RFC3: variants seen among roughly 807,000 people sequenced by gnomAD.
RFC3 encodes the protein A1 38 kDa subunit.
RFC3 carries 41 observed loss-of-function variants against 45.1 expected under a neutral mutation model. The ratio of observed to expected loss-of-function variants is 0.91; its 90% CI spans 0.71 to 1.18. The LOEUF (loss-of-function observed/expected upper bound fraction) is 1.18. Ranked by LOEUF, RFC3 falls within the 50% of genes most tolerant of loss-of-function variation. The pLI is 0.00. For missense variants in RFC3, 423 were observed against 428.1 expected (o/e 0.99, Z 0.10); for synonymous variants, 149 against 144.0 (o/e 1.03, Z -0.25).
intron 8 of RFC3, among the ~76,000 whole-genome samples, chr13:33,861,256 C>T (rs892693887): frequency 1.1e-4 from 16 of 152,154 alleles, no homozygotes; most frequent in South Asian, 2.1e-4. Context: ...TATTTTAATG[C>T]GGTGTTGATT....
intron 8 of RFC3, among the ~76,000 whole-genome samples, chr13:33,905,761 C>A (rs1233626828): frequency 6.6e-6 from 1 of 152,004 alleles, no homozygotes; most frequent in African/African-American, 2.4e-5. Flanking sequence ...CACTAACATT[C>A]TTCACCAAAT....
chr13:33,975,029 C>T, the RFC3 span, among the ~76,000 whole-genome samples: 1 of 152,100 alleles, frequency 6.6e-6, no homozygotes, highest in Non-Finnish European at 1.5e-5. Context: ...CCATATAATC[C>T]AGCAATGTAA....
intron 8 of RFC3, among the ~76,000 whole-genome samples, chr13:33,963,282 T>C (rs1456774415): frequency 2.0e-5 from 3 of 152,232 alleles, no homozygotes; most frequent in Non-Finnish European, 4.4e-5. Context: ...GATCTAGGGC[T>C]ATTGCCAACA....
At chr13:33,909,876 G>A (rs2082693930) in intron 8 of RFC3, among the ~76,000 whole-genome samples, 1 of 152,104 alleles carries the variant, frequency 6.6e-6, no homozygotes, top group Admixed American at 6.6e-5. Flanking sequence ...CATACTATGT[G>A]TTGGGTTCTA....
chr13:33,837,832 T>C (rs377398246), downstream of RFC3, among the ~76,000 whole-genome samples: 3 of 152,102 alleles, frequency 2.0e-5, no homozygotes, highest in Non-Finnish European at 4.4e-5. Flanking sequence ...TTTAAAGTTA[T>C]AAATTTCACT....
intron 8 of RFC3, among the ~76,000 whole-genome samples, chr13:33,860,644 C>G (rs907873461): frequency 1.3e-5 from 2 of 152,134 alleles, no homozygotes; most frequent in Non-Finnish European, 2.9e-5. Context: ...GAAACTCGTT[C>G]TTTCCCTGCA....
the RFC3 span, among the ~76,000 whole-genome samples, chr13:33,977,039 C>T: frequency 6.6e-6 from 1 of 151,930 alleles, no homozygotes; most frequent in East Asian, 1.9e-4. Flanking sequence ...CCAATGTAAT[C>T]GTGAGAAAAA....
chr13:33,890,658 G>C (rs571921566), intron 8 of RFC3, among the ~76,000 whole-genome samples: 1 of 152,124 alleles, frequency 6.6e-6, no homozygotes, highest in Non-Finnish European at 1.5e-5. Flanking sequence ...ATTGTCCTGA[G>C]CTTAATTACA....
intron 8 of RFC3, among the ~76,000 whole-genome samples, chr13:33,872,271 C>T (rs1224987987): frequency 1.3e-5 from 2 of 152,086 alleles, no homozygotes; most frequent in East Asian, 1.9e-4. Flanking sequence ...GCTGGAAGGT[C>T]GTCAGCGTGG....
At chr13:33,970,980 G>A (rs933428182), downstream of RFC3, among the ~76,000 whole-genome samples, 1 of 152,196 alleles carries the variant, frequency 6.6e-6, no homozygotes, top group African/African-American at 2.4e-5. Flanking sequence ...TATGAGCCAA[G>A]CCTTGACATC....
intron 8 of RFC3, among the ~76,000 whole-genome samples, chr13:33,938,980 A>G (rs1429320254): frequency 1.3e-5 from 2 of 152,272 alleles, no homozygotes; most frequent in African/African-American, 4.8e-5. Flanking sequence ...GTGGTATCAT[A>G]TTAATGGTTT....
chr13:33,976,741 T>C, the RFC3 span, among the ~76,000 whole-genome samples: 1 of 151,926 alleles, frequency 6.6e-6, no homozygotes, highest in Non-Finnish European at 1.5e-5. Context: ...GGTGAGGAAA[T>C]AAATGCCCCG....
intron 8 of RFC3, among the ~76,000 whole-genome samples, chr13:33,882,358 A>G (rs771193075): frequency 2.0e-5 from 3 of 152,238 alleles, no homozygotes; most frequent in Non-Finnish European, 4.4e-5. Context: ...GTCAGGACGC[A>G]TAACTGCTAT....
chr13:33,936,370 T>C (rs1251441081), intron 8 of RFC3, among the ~76,000 whole-genome samples: 1 of 152,118 alleles, frequency 6.6e-6, no homozygotes, highest in East Asian at 1.9e-4. Context: ...TATTTAGTTA[T>C]AACCATGGAT....
chr13:33,828,256 T>C (rs3135588), intron 4 of RFC3, among the ~76,000 whole-genome samples: 33,450 of 152,184 alleles, frequency 0.22, 5,722 homozygotes, highest in African/African-American at 0.45. Flanking sequence ...TTTGTCTCTC[T>C]TTTACCTGTT....
intron 2 of RFC3, among the ~76,000 whole-genome samples, chr13:33,823,130 A>G (rs145670101): frequency 3.3e-5 from 5 of 152,302 alleles, no homozygotes; most frequent in East Asian, 1.9e-4. Flanking sequence ...ATTGAAAGGC[A>G]TGATAAAACC....
intron 8 of RFC3, among the ~76,000 whole-genome samples, chr13:33,922,825 T>C (rs900476031): frequency 1.3e-5 from 2 of 152,096 alleles, no homozygotes; most frequent in East Asian, 3.9e-4. Context: ...TGAAACCAAA[T>C]GCCTTAACTC....
intron 8 of RFC3, among the ~76,000 whole-genome samples, chr13:33,925,049 A>G (rs2082795150): frequency 7.1e-6 from 1 of 141,566 alleles, no homozygotes; most frequent in Admixed American, 6.8e-5. Flanking sequence ...TAGTGTACAT[A>G]TATATATACA....
chr13:33,913,102 G>A (rs1450605269), intron 8 of RFC3, among the ~76,000 whole-genome samples: 2 of 152,082 alleles, frequency 1.3e-5, no homozygotes, highest in African/African-American at 4.8e-5. Flanking sequence ...ATGTTTGTGG[G>A]TCACCCAGGT....
Sources: allele counts gnomAD v4.1 joint callset (sites outside exome capture counted in the v4.1 genomes callset), GRCh38; gene constraint gnomAD v4.1.1; transcripts MANE v1.5; gene names NCBI Gene and HGNC (gene_info 2026-07-23, HGNC 2026-07-21).